MNAT1: variants seen among roughly 807,000 people sequenced by gnomAD.
MNAT1 encodes the protein MNAT1 component of CDK activating kinase, also known as CDK-activating kinase assembly factor MAT1.
MNAT1 carries 43 observed loss-of-function variants against 42.0 expected under a neutral mutation model. The ratio of observed to expected loss-of-function variants is 1.02; its 90% confidence interval spans 0.80 to 1.32. The LOEUF is 1.32. Ranked by LOEUF, MNAT1 falls within the 40% of genes most tolerant of loss-of-function variation. The pLI is 0.00. For synonymous variants in MNAT1, 118 were observed against 120.0 expected (o/e 0.98, Z 0.11); for missense variants, 306 against 350.4 (o/e 0.87, Z 1.01).
chr14:60,964,253 C>T lies in MNAT1; in HGVS notation c.810-3976C>T, dbSNP rs4151403. On this transcript the variant is annotated intron_variant, in intron 7 of 7. Coordinates refer to ENST00000261245, the MANE Select transcript of MNAT1 (RefSeq NM_002431.4). ...CAAGTGTGGTTTTCTAATGCTTAAT[C>T]GTATCTTACGCCCTTCTCAGGATCC... 5.1e-3 allele frequency among the ~76,000 whole-genome samples: 778 copies of T among 152,276 alleles called. 14 individuals are homozygous for T. Among genetic ancestry groups the T allele is most frequent in the African/African-American group, 0.018 (728 of 41,548 alleles).
chr14:60,899,953 A>G (rs2035037745), intron 7 of MNAT1, among the ~76,000 whole-genome samples: 2 of 151,342 alleles, frequency 1.3e-5, no homozygotes, highest in Non-Finnish European at 2.9e-5. Flanking sequence ...TGTTACTATT[A>G]TTATTGTTTT....
intron 1 of MNAT1, among the ~76,000 whole-genome samples, chr14:60,786,238 AG>A: frequency 6.6e-6 from 1 of 152,114 alleles, no homozygotes; most frequent in African/African-American, 2.4e-5. Context: ...ATCAAGAGAA[AG>A]AGGTAGAAAA....
chr14:60,941,739 T>C (rs1485348830), intron 7 of MNAT1, among the ~76,000 whole-genome samples: 1 of 149,472 alleles, frequency 6.7e-6, no homozygotes, highest in Non-Finnish European at 1.5e-5. Flanking sequence ...GCGCGGTGGC[T>C]CACTCCTGTA....
chr14:60,871,067 A>G (rs2034314719), intron 6 of MNAT1, among the ~76,000 whole-genome samples: 1 of 152,216 alleles, frequency 6.6e-6, no homozygotes, highest in African/African-American at 2.4e-5. Flanking sequence ...GCATGTACCA[A>G]TATTTCATTC....
At chr14:60,963,434 C>T (rs2036631662) in intron 7 of MNAT1, among the ~76,000 whole-genome samples, 1 of 152,142 alleles carries the variant, frequency 6.6e-6, no homozygotes, top group African/African-American at 2.4e-5. Flanking sequence ...GACACCTAAC[C>T]ATTAACTAGT....
chr14:60,906,179 T>C (rs2035194030), intron 7 of MNAT1, among the ~76,000 whole-genome samples: 1 of 152,146 alleles, frequency 6.6e-6, no homozygotes, highest in Non-Finnish European at 1.5e-5. Flanking sequence ...GTGCAGAATG[T>C]CTGGAGCAGG....
intron 7 of MNAT1, among the ~76,000 whole-genome samples, chr14:60,892,471 T>C (rs917228695): frequency 3.3e-5 from 5 of 152,116 alleles, no homozygotes; most frequent in Admixed American, 3.3e-4. Context: ...TTTAACCTAT[T>C]TGTGATTTTG....
chr14:60,867,196 T>A (rs1451701269), intron 6 of MNAT1, among the ~76,000 whole-genome samples: 1 of 152,158 alleles, frequency 6.6e-6, no homozygotes, highest in Non-Finnish European at 1.5e-5. Context: ...TTGTCTTTGA[T>A]GTTTTCAAGC....
chr14:60,834,346 CTAGTACGT>C (rs896066393), intron 6 of MNAT1, among the ~76,000 whole-genome samples: 4 of 152,144 alleles, frequency 2.6e-5, no homozygotes, highest in Non-Finnish European at 4.4e-5. Context: ...CCCAGAGATT[CTAGTACGT>C]TGTGTCTTTG....
At chr14:60,946,935 T>C (rs1356925635) in intron 7 of MNAT1, among the ~76,000 whole-genome samples, 2 of 152,202 alleles carry the variant, frequency 1.3e-5, no homozygotes, top group Non-Finnish European at 2.9e-5. Context: ...TGGCGAGGGC[T>C]CTCTTCCTGG....
At chr14:60,942,002 T>C in intron 7 of MNAT1, among the ~76,000 whole-genome samples, 2 of 1,838 alleles carry the variant, frequency 1.1e-3, no homozygotes, top group South Asian at 0.031. Context: ...AGGCTCCATC[T>C]CAAAAAAAAA....
intron 6 of MNAT1, among the ~76,000 whole-genome samples, chr14:60,841,224 C>T (rs1391370654): frequency 6.6e-6 from 1 of 151,586 alleles, no homozygotes; most frequent in Non-Finnish European, 1.5e-5. Flanking sequence ...TCACACCTTT[C>T]TCTCTCACTC....
chr14:60,967,586 T>A (rs1209354686), intron 7 of MNAT1, among the ~76,000 whole-genome samples: 1 of 152,192 alleles, frequency 6.6e-6, no homozygotes, highest in African/African-American at 2.4e-5. Flanking sequence ...CAGAAAAAAA[T>A]TGTACTGTTA....
chr14:60,939,007 G>A (rs887285565), intron 7 of MNAT1, among the ~76,000 whole-genome samples: 3 of 152,158 alleles, frequency 2.0e-5, no homozygotes, highest in Non-Finnish European at 4.4e-5. Context: ...TAGATTTTCT[G>A]ATTTATTTGC....
intron 1 of MNAT1, chr14:60,780,205 A>T: frequency 6.8e-7 from 1 of 1,468,624 alleles, no homozygotes; most frequent in Non-Finnish European, 9.5e-7. Context: ...AAGATTGGTT[A>T]TACAAGTGTT....
At chr14:60,912,521 T>G (rs2139530453) in intron 7 of MNAT1, among the ~76,000 whole-genome samples, 1 of 152,336 alleles carries the variant, frequency 6.6e-6, no homozygotes, top group Non-Finnish European at 1.5e-5. Context: ...GGCCTGGTGG[T>G]GACAAAATCT....
chr14:60,912,516 G>A (rs1193629576), intron 7 of MNAT1, among the ~76,000 whole-genome samples: 1 of 152,134 alleles, frequency 6.6e-6, no homozygotes, highest in Non-Finnish European at 1.5e-5. Flanking sequence ...GGGCAGGCCT[G>A]GTGGTGACAA....
chr14:60,808,121 A>T (rs1413704317), intron 3 of MNAT1, among the ~76,000 whole-genome samples: 3 of 152,108 alleles, frequency 2.0e-5, no homozygotes. Context: ...CGAGTCAGAC[A>T]GTCTGTCCTT....
At chr14:60,783,341 T>C (rs969854664) in intron 1 of MNAT1, among the ~76,000 whole-genome samples, 3 of 152,242 alleles carry the variant, frequency 2.0e-5, no homozygotes, top group African/African-American at 7.2e-5. Context: ...TTTGTCTTGC[T>C]ATCTGTAAAA....
Sources: allele counts gnomAD v4.1 joint callset (sites outside exome capture counted in the v4.1 genomes callset), GRCh38; gene constraint gnomAD v4.1.1; transcripts MANE v1.5; gene names NCBI Gene and HGNC (gene_info 2026-07-23, HGNC 2026-07-21).